The following LEPROTL1 variants were observed in gnomAD, a reference collection of about 807,000 sequenced individuals.
LEPROTL1 encodes leptin receptor overlapping transcript-like 1.
Under a neutral mutation model 15.4 loss-of-function variants are expected in LEPROTL1, and 6 were observed. The observed-to-expected ratio is 0.39, with a 90% CI of 0.21 to 0.77. The LOEUF (loss-of-function observed/expected upper bound fraction) is 0.77. LEPROTL1 is among the 30% of genes least tolerant of loss of function. The probability of loss-of-function intolerance (pLI) is 0.41; values close to 1 mark genes in which losing one functional copy is unlikely to be tolerated. For synonymous variants in LEPROTL1, 56 were observed against 52.6 expected (o/e 1.06, Z -0.28); for missense variants, 128 against 158.1 (o/e 0.81, Z 1.02).
intron 3 of LEPROTL1, chr8:30,105,210 C>A (rs900067323): frequency 6.6e-6 from 1 of 152,234 alleles, no homozygotes; most frequent in Non-Finnish European, 1.5e-5. Flanking sequence ...GATCCACGCG[C>A]CTTCATCTCT....
intron 1 of LEPROTL1, among the ~76,000 whole-genome samples, chr8:30,098,999 A>G (rs999023278): frequency 2.6e-5 from 4 of 152,044 alleles, no homozygotes; most frequent in African/African-American, 9.7e-5. Context: ...CTCCCCTCAT[A>G]CAGATCTTTG....
intron 1 of LEPROTL1, among the ~76,000 whole-genome samples, chr8:30,101,311 T>C (rs1802462397): frequency 6.6e-6 from 1 of 152,148 alleles, no homozygotes; most frequent in African/African-American, 2.4e-5. Context: ...TTTGACTCTT[T>C]AGAAAGGGAA....
chr8:30,101,957 G>A lies in LEPROTL1; in HGVS notation c.76G>A (p.Ala26Thr), dbSNP rs1275511840. Residue 26 changes from alanine (A) to threonine (T), a missense_variant, in exon 2 of 4, where the codon GCC (alanine) becomes ACC (threonine). By Grantham distance (58) the Ala-to-Thr change is moderately conservative (BLOSUM62 0). Transcript: ENST00000321250. ...IGLMFLMLGCALPIYNKYWPL... is the reference protein window; with the variant it reads ...IGLMFLMLGCTLPIYNKYWPL... ...ACTGATGTTTTTGATGCTTGGATGT[G>A]CCCTTCCAATATACAAGTATGTAAA... The A allele has an allele frequency of 1.2e-6, 2 of 1,605,090 alleles. No individual in the cohort carries two copies. Among genetic ancestry groups the A allele is most frequent in the South Asian group, 1.1e-5 (1 of 90,466 alleles).
At chr8:30,132,406 T>C (rs1361407335) in exon 4 of LEPROTL1, 4 of 1,551,704 alleles carry the variant, frequency 2.6e-6, no homozygotes, top group Non-Finnish European at 3.5e-6. Flanking sequence ...GACATATCCC[T>C]CCTCTCCAGG....
intron 1 of LEPROTL1, among the ~76,000 whole-genome samples, chr8:30,099,185 T>C (rs1435212941): frequency 1.3e-5 from 2 of 152,242 alleles, no homozygotes; most frequent in African/African-American, 2.4e-5. Context: ...TTGTCATTGC[T>C]CTGTCTCCAG....
At chr8:30,103,959 A>G (rs1038810842) in intron 2 of LEPROTL1, among the ~76,000 whole-genome samples, 1 of 152,200 alleles carries the variant, frequency 6.6e-6, no homozygotes, top group Non-Finnish European at 1.5e-5. Context: ...TGCCAGAGTC[A>G]TAAGATCTTA....
chr8:30,135,110 T>G (rs1339211274), intron 4 of LEPROTL1, among the ~76,000 whole-genome samples: 1 of 150,658 alleles, frequency 6.6e-6, no homozygotes, highest in East Asian at 2.0e-4. Context: ...CTGGCTAGTC[T>G]CAAACTCCTG....
chr8:30,132,554 T>A, intron 4 of LEPROTL1: 4 of 1,551,684 alleles, frequency 2.6e-6, no homozygotes, highest in Non-Finnish European at 3.5e-6. Flanking sequence ...TGGCAATCAG[T>A]CAGTCCCGCT....
At chr8:30,100,262 C>G (rs1484024592) in intron 1 of LEPROTL1, among the ~76,000 whole-genome samples, 1 of 152,136 alleles carries the variant, frequency 6.6e-6, no homozygotes, top group Admixed American at 6.5e-5. Flanking sequence ...AACTTGTTTC[C>G]TGTTCATTTT....
At chr8:30,096,563 G>C (rs1802370934) in intron 1 of LEPROTL1, 1 of 193,062 alleles carries the variant, frequency 5.2e-6, no homozygotes, top group Non-Finnish European at 9.5e-6. Flanking sequence ...ATAAAACCTT[G>C]TCATTTAAGC....
Position 30,106,948 on chromosome 8 carries a change from G to A in LEPROTL1, c.*1086G>A, listed in dbSNP as rs1290785430. The A allele has an allele frequency of 8.1e-6, 8 of 985,428 alleles. No homozygotes were observed. The highest frequency in any genetic ancestry group is 9.6e-6 in the Non-Finnish European group (8 of 829,790). The allele number at this position is 985,428 out of a possible 1,614,324, so 61.0% of individuals were successfully genotyped here. ...AATTGCTATGCCGTACATTCAGAGT[G>A]CCCCCTCCCCTGCAAGGCCTTGCCA... On this transcript the variant is annotated 3_prime_UTR_variant, in exon 4 of 4. Coordinates refer to ENST00000321250, the MANE Select transcript of LEPROTL1 (RefSeq NM_015344.3).
chr8:30,104,362 CAAG>C lies in LEPROTL1; in HGVS notation c.160_162del (p.Arg54del), dbSNP rs1802522306. On this transcript the variant is annotated inframe_deletion, in exon 3 of 4. Transcript: ENST00000321250. ...CTTTCACCTATTCCATACTGCATAGCAAGAAGATTAGTGGATGATACAGATGCT... is the reference window on the plus strand; with the variant it reads ...CTTTCACCTATTCCATACTGCATAGCAAGATTAGTGGATGATACAGATGCT... The C allele has an allele frequency of 1.2e-6, 2 of 1,609,404 alleles. No individual in the cohort carries two copies. Among genetic ancestry groups the C allele is most frequent in the Non-Finnish European group, 1.7e-6 (2 of 1,177,324 alleles).
At chr8:30,123,369 T>C (rs774069982) in intron 3 of LEPROTL1, among the ~76,000 whole-genome samples, 9 of 152,162 alleles carry the variant, frequency 5.9e-5, no homozygotes, top group African/African-American at 2.2e-4. Context: ...GAAAAGCATA[T>C]GGGAGGGAAT....
rs71204262 is a variant in LEPROTL1 at position 30,097,698 on chromosome 8, T to TACACACACACACAC, written c.16+2186_16+2199dup. Among the ~76,000 whole-genome samples, 29 of 108,766 alleles carry TACACACACACACAC rather than the reference T, an allele frequency of 2.7e-4. No individual in the cohort carries two copies. The South Asian group carries it at 6.9e-3, about 26-fold the overall frequency. The allele number at this position is 108,766 out of a possible 152,430, so 71.4% of individuals were successfully genotyped here. On this transcript the variant is annotated intron_variant, in intron 1 of 3. Transcript: ENST00000321250. ...AAAAAAAAAAAAATATATATATATA[T>TACACACACACACAC]ACACACACACACACACACACACACA...
chr8:30,106,244 T>A lies in LEPROTL1; in HGVS notation c.*382T>A, dbSNP rs1425595159. 2.0e-6 allele frequency: 2 copies of A among 986,430 alleles called. No homozygotes were observed. The highest frequency in any genetic ancestry group is 3.5e-5 in the African/African-American group (2 of 57,262). The allele number at this position is 986,430 out of a possible 1,614,324, so 61.1% of individuals were successfully genotyped here. ...TTCAGAATTCCGCCGGCTCTATTAC[T>A]GGTCAAGTACATCTTTTCTCTTAAA... is the stretch of plus-strand genomic sequence containing the variant. On this transcript the variant is annotated 3_prime_UTR_variant, in exon 4 of 4. Transcript: ENST00000321250.
intron 4 of LEPROTL1, among the ~76,000 whole-genome samples, chr8:30,134,724 T>G (rs916535878): frequency 6.6e-6 from 1 of 152,082 alleles, no homozygotes; most frequent in Non-Finnish European, 1.5e-5. Flanking sequence ...ATTTTTGTAT[T>G]TTTAGTAGAG....
intron 3 of LEPROTL1, among the ~76,000 whole-genome samples, chr8:30,128,022 G>T (rs774699658): frequency 6.6e-6 from 1 of 152,066 alleles, no homozygotes; most frequent in African/African-American, 2.4e-5. Context: ...AGGGAGCAGC[G>T]GGGGCAGGAG....
chr8:30,101,911 G>C lies in LEPROTL1; in HGVS notation c.30G>C (p.Leu10Phe). The change falls in exon 2 of 4, where the codon TTG (leucine) becomes TTC (phenylalanine). Residue 10 changes from leucine (L) to phenylalanine (F), a missense_variant. Transcript: ENST00000321250. ...TTTGCTTTGCAGCTTTGATTAGTTTGTCCTTTGGAGGAGCAATCGGACTGA... is the reference window on the plus strand; with the variant it reads ...TTTGCTTTGCAGCTTTGATTAGTTTCTCCTTTGGAGGAGCAATCGGACTGA... MAGIKALISLSFGGAIGLMF... is the reference protein window; with the variant it reads MAGIKALISFSFGGAIGLMF... The C allele has an allele frequency of 6.2e-7, 1 of 1,605,704 alleles. No individual in the cohort carries two copies. Among genetic ancestry groups the C allele is most frequent in the South Asian group, 1.1e-5 (1 of 90,312 alleles).
intron 3 of LEPROTL1, among the ~76,000 whole-genome samples, chr8:30,129,381 G>C (rs1221500969): frequency 1.3e-5 from 2 of 152,136 alleles, no homozygotes; most frequent in African/African-American, 2.4e-5. Context: ...ACGATTAAAA[G>C]TGTATTAGTC....
Sources: allele counts gnomAD v4.1 joint callset (sites outside exome capture counted in the v4.1 genomes callset), GRCh38; gene constraint gnomAD v4.1.1; transcripts MANE v1.5; gene names NCBI Gene and HGNC (gene_info 2026-07-23, HGNC 2026-07-21).